SMYD3: variants seen among roughly 807,000 people sequenced by gnomAD.
The protein encoded by SMYD3 is histone-lysine N-methyltransferase SMYD3.
A neutral mutation model predicts 57.7 loss-of-function variants in SMYD3; 36 were observed. That is an observed-to-expected ratio of 0.62 (90% confidence interval 0.48 to 0.82). The LOEUF (loss-of-function observed/expected upper bound fraction) is 0.82. Among genes scored for constraint, SMYD3 ranks in the 40% least tolerant of loss-of-function variants. SMYD3 has a pLI of 0.00. For synonymous variants in SMYD3, 211 were observed against 195.0 expected (o/e 1.08, Z -0.68); for missense variants, 515 against 538.8 (o/e 0.96, Z 0.44).
intron 5 of SMYD3, among the ~76,000 whole-genome samples, chr1:246,119,213 G>T (rs1202743531): frequency 6.6e-6 from 1 of 151,688 alleles, no homozygotes; most frequent in Non-Finnish European, 1.5e-5. Flanking sequence ...TTGGAAGTTG[G>T]TCTCAAACTC....
intron 5 of SMYD3, among the ~76,000 whole-genome samples, chr1:246,268,306 C>A (rs1178002610): frequency 2.0e-5 from 3 of 152,156 alleles, no homozygotes; most frequent in Non-Finnish European, 4.4e-5. Context: ...TCCCACCAGC[C>A]CCATGACAGT....
intron 10 of SMYD3, among the ~76,000 whole-genome samples, chr1:245,849,607 TAGG>T (rs2050850953): frequency 6.6e-6 from 1 of 152,090 alleles, no homozygotes; most frequent in East Asian, 1.9e-4. Flanking sequence ...GATTTGAAAT[TAGG>T]AGCTCTGCTA....
At chr1:246,442,966 T>C (rs931952638) in intron 1 of SMYD3, among the ~76,000 whole-genome samples, 2 of 152,198 alleles carry the variant, frequency 1.3e-5, no homozygotes, top group African/African-American at 4.8e-5. Context: ...TCCCTTACAG[T>C]GCACCAGGCT....
rs533802113 is a variant in SMYD3, at chr1:246,461,295, T to C, written c.164+45759A>G. On this transcript the variant is annotated intron_variant, in intron 1 of 11. Transcript: ENST00000490107. ...AATTAGTGGGAAAAAAAGTGGAAAT[T>C]AGTCAACAAGAATATTTCCTAAATA... Among the ~76,000 whole-genome samples the C allele has an allele frequency of 6.6e-5, 10 of 152,114 alleles. No homozygotes were observed. The East Asian group carries it at 1.9e-3, about 29-fold the overall frequency.
intron 8 of SMYD3, among the ~76,000 whole-genome samples, chr1:245,912,844 G>A (rs1460097405): frequency 6.6e-6 from 1 of 152,124 alleles, no homozygotes; most frequent in Non-Finnish European, 1.5e-5. Flanking sequence ...TCACCACACA[G>A]AAAAATCAAC....
chr1:246,491,434 G>A (rs577823941), intron 1 of SMYD3, among the ~76,000 whole-genome samples: 149 of 152,208 alleles, frequency 9.8e-4, no homozygotes, highest in Admixed American at 2.0e-3. Context: ...CAGCTAGCGG[G>A]GAGGCTGAAG....
At chr1:246,494,096 A>C (rs980058346) in intron 1 of SMYD3, among the ~76,000 whole-genome samples, 4 of 152,186 alleles carry the variant, frequency 2.6e-5, no homozygotes, top group African/African-American at 9.7e-5. Flanking sequence ...ACTCCTACAC[A>C]AATCTTCCAT....
intron 5 of SMYD3, among the ~76,000 whole-genome samples, chr1:245,994,084 C>T (rs28360878): frequency 0.48 from 73,371 of 152,068 alleles, 21,100 homozygotes; most frequent in Middle Eastern, 0.65. Context: ...GGTCCATCAT[C>T]GCTCTCTCAA....
At chr1:246,468,212 G>A (rs1490974734) in intron 1 of SMYD3, among the ~76,000 whole-genome samples, 1 of 150,386 alleles carries the variant, frequency 6.6e-6, no homozygotes, top group African/African-American at 2.4e-5. Context: ...TTCATCCCAG[G>A]GACGCAAAGA....
intron 5 of SMYD3, among the ~76,000 whole-genome samples, chr1:246,152,090 A>G (rs1049416388): frequency 1.6e-4 from 24 of 152,216 alleles, no homozygotes; most frequent in African/African-American, 5.3e-4. Context: ...CTGTGAAACA[A>G]AACAAGCTCC....
intron 1 of SMYD3, among the ~76,000 whole-genome samples, chr1:246,498,359 T>G (rs1417654897): frequency 2.6e-5 from 4 of 152,166 alleles, no homozygotes; most frequent in African/African-American, 9.7e-5. Flanking sequence ...ATAAGGAAGA[T>G]CTCCATGAAC....
At chr1:245,934,119 T>C (rs2056871154) in intron 5 of SMYD3, among the ~76,000 whole-genome samples, 1 of 152,208 alleles carries the variant, frequency 6.6e-6, no homozygotes, top group Non-Finnish European at 1.5e-5. Context: ...CTTTTCTGTC[T>C]AAAATGTTCA....
At chr1:245,822,673 G>A (rs1054238052) in intron 10 of SMYD3, among the ~76,000 whole-genome samples, 2 of 151,810 alleles carry the variant, frequency 1.3e-5, no homozygotes, top group Admixed American at 6.6e-5. Flanking sequence ...AACTTCCTCC[G>A]CTGAGGGTGA....
intron 10 of SMYD3, among the ~76,000 whole-genome samples, chr1:245,800,012 C>T (rs2047777281): frequency 6.6e-6 from 1 of 152,204 alleles, no homozygotes; most frequent in African/African-American, 2.4e-5. Flanking sequence ...AACAAACACC[C>T]TGCAAAAACC....
At chr1:246,227,777 C>G (rs144136453) in intron 5 of SMYD3, among the ~76,000 whole-genome samples, 24 of 152,168 alleles carry the variant, frequency 1.6e-4, no homozygotes, top group African/African-American at 5.8e-4. Context: ...ACCTCTCCAG[C>G]CACTCTACCT....
intron 5 of SMYD3, among the ~76,000 whole-genome samples, chr1:245,932,176 T>C (rs1471467797): frequency 6.6e-6 from 1 of 152,208 alleles, no homozygotes; most frequent in African/African-American, 2.4e-5. Flanking sequence ...GTCAAACACA[T>C]CTGATCTGTT....
chr1:245,881,318 C>G (rs536271708), intron 8 of SMYD3, among the ~76,000 whole-genome samples: 14 of 152,078 alleles, frequency 9.2e-5, no homozygotes, highest in African/African-American at 3.1e-4. Context: ...GTCTTTCCAA[C>G]GGGTGGTTTA....
intron 5 of SMYD3, among the ~76,000 whole-genome samples, chr1:246,180,558 C>T (rs997166926): frequency 3.3e-5 from 5 of 149,830 alleles, no homozygotes; most frequent in Non-Finnish European, 7.4e-5. Flanking sequence ...GAGATCAAGA[C>T]CATCCTGGTT....
intron 2 of SMYD3, among the ~76,000 whole-genome samples, chr1:246,351,597 A>G (rs2065825019): frequency 6.6e-6 from 1 of 152,222 alleles, no homozygotes; most frequent in African/African-American, 2.4e-5. Flanking sequence ...TATTTTGACC[A>G]GTAACAGAAA....
Sources: gnomAD v4.1 joint callset for allele counts (sites outside exome capture counted in the v4.1 genomes callset) on GRCh38, gnomAD v4.1.1 for gene constraint, MANE v1.5 for transcripts, NCBI Gene and HGNC (gene_info 2026-07-23, HGNC 2026-07-21) for gene names.